Variants in CNTN4 observed in about 807,000 individuals in gnomAD.
The protein encoded by CNTN4 is contactin-4.
CNTN4 carries 77 observed loss-of-function variants against 122.5 expected under a neutral mutation model. The ratio of observed to expected loss-of-function variants is 0.63; its 90% confidence interval spans 0.52 to 0.76. CNTN4 has a LOEUF of 0.76. Ranked by LOEUF, CNTN4 falls within the 30% of genes least tolerant of loss-of-function variation. CNTN4 has a pLI of 0.00. For synonymous variants in CNTN4, 512 were observed against 447.0 expected, an observed-to-expected ratio of 1.15 and a Z score of -1.83; for missense variants, 1,256 against 1,259.1, an observed-to-expected ratio of 1.00 and a Z score of 0.04.
intron 2 of CNTN4, among the ~76,000 whole-genome samples, chr3:2,104,192 C>A (rs1297109187): frequency 6.6e-6 from 1 of 151,524 alleles, no homozygotes; most frequent in Non-Finnish European, 1.5e-5. Context: ...ACTCCTCTTT[C>A]TTCCAATTTT....
chr3:2,755,585 T>G (rs1378067325), intron 6 of CNTN4, among the ~76,000 whole-genome samples: 1 of 152,170 alleles, frequency 6.6e-6, no homozygotes, highest in Non-Finnish European at 1.5e-5. Flanking sequence ...TTTCACAAGG[T>G]AAATCTTAGG....
At chr3:2,987,797 A>T (rs539865703) in intron 13 of CNTN4, among the ~76,000 whole-genome samples, 1 of 152,134 alleles carries the variant, frequency 6.6e-6, no homozygotes, top group Non-Finnish European at 1.5e-5. Flanking sequence ...TGCCAAAGTC[A>T]CGCTGAGTCG....
At chr3:2,282,993 A>G (rs1559410752) in intron 2 of CNTN4, among the ~76,000 whole-genome samples, 1 of 152,150 alleles carries the variant, frequency 6.6e-6, no homozygotes, top group Non-Finnish European at 1.5e-5. Context: ...GGAGCCAGGT[A>G]CAGAGGGGAA....
In CNTN4 at chr3:2,348,473, C is replaced by T. The variant is rs538026193; in HGVS notation, c.-89+9240C>T. On this transcript the variant is annotated intron_variant, in intron 3 of 24. Coordinates refer to ENST00000418658, the MANE Select transcript of CNTN4 (RefSeq NM_175607.3). ...AACCCTGGCTCACCAGCCCTCAGGC[C>T]TATAGCGAGAACCACCCTGTCCCTG... is the stretch of plus-strand genomic sequence containing the variant. Among the ~76,000 whole-genome samples the T allele has an allele frequency of 3.3e-5, 5 of 152,310 alleles. No homozygotes were observed. The East Asian group carries it at 7.7e-4, about 23-fold the overall frequency.
intron 2 of CNTN4, among the ~76,000 whole-genome samples, chr3:2,127,831 A>C (rs144383470): frequency 4.7e-4 from 72 of 152,314 alleles, no homozygotes; most frequent in African/African-American, 1.7e-3. Context: ...TCATGCACCA[A>C]ATTAAAAGAT....
intron 2 of CNTN4, among the ~76,000 whole-genome samples, chr3:2,271,443 T>C (rs1387892279): frequency 6.6e-6 from 1 of 152,202 alleles, no homozygotes; most frequent in Non-Finnish European, 1.5e-5. Flanking sequence ...CTGTATTATC[T>C]TTCTCTAGCT....
At chr3:2,843,604 A>G (rs538156092) in intron 7 of CNTN4, among the ~76,000 whole-genome samples, 1 of 152,260 alleles carries the variant, frequency 6.6e-6, no homozygotes, top group African/African-American at 2.4e-5. Context: ...CCGTCCTCAC[A>G]ACAGTGAGTT....
chr3:2,178,920 A>C (rs993313969), intron 2 of CNTN4, among the ~76,000 whole-genome samples: 1 of 152,078 alleles, frequency 6.6e-6, no homozygotes, highest in African/African-American at 2.4e-5. Context: ...AAAATCTGCA[A>C]ATAGCAGACA....
intron 2 of CNTN4, among the ~76,000 whole-genome samples, chr3:2,278,013 C>G (rs1293046259): frequency 6.6e-6 from 1 of 151,966 alleles, no homozygotes; most frequent in Non-Finnish European, 1.5e-5. Flanking sequence ...AAGGTTGCAA[C>G]TTGTAAAGTG....
chr3:2,477,558 G>A (rs2075867898), intron 3 of CNTN4, among the ~76,000 whole-genome samples: 1 of 152,100 alleles, frequency 6.6e-6, no homozygotes, highest in Admixed American at 6.6e-5. Flanking sequence ...CAGTTAGAAA[G>A]CACCTAGTCA....
intron 12 of CNTN4, among the ~76,000 whole-genome samples, chr3:2,910,768 C>A (rs1364713896): frequency 6.6e-6 from 1 of 152,172 alleles, no homozygotes. Flanking sequence ...ATTTGGGGAG[C>A]CTAATCTAAG....
At chr3:3,031,169 T>C (rs1041806223) in intron 16 of CNTN4, among the ~76,000 whole-genome samples, 194 bp downstream of exon 16, 1 of 152,132 alleles carries the variant, frequency 6.6e-6, no homozygotes, top group Admixed American at 6.6e-5. Context: ...TGTCAGAAAA[T>C]GCACCGAACA....
At position 2,277,372 on chromosome 3, in the gene CNTN4, GCTAA is replaced by G. The variant is rs200671671; in HGVS notation, c.-144-61803_-144-61800del. 8.0e-3 allele frequency among the ~76,000 whole-genome samples: 1,220 copies of G among 152,226 alleles called. 18 individuals are homozygous for G. The highest frequency in any genetic ancestry group is 0.028 in the African/African-American group (1,156 of 41,518). ...AATGACTTTTGAAGTTAAAACACAT[GCTAA>G]CTGTTGCTTAGTTTTAAATATATAT... On this transcript the variant is annotated intron_variant, in intron 2 of 24. Transcript: ENST00000418658.
intron 2 of CNTN4, among the ~76,000 whole-genome samples, chr3:2,205,263 T>C (rs2038286275): frequency 6.7e-6 from 1 of 150,250 alleles, no homozygotes; most frequent in Admixed American, 6.6e-5. Flanking sequence ...ATCAATATTA[T>C]TATGATTTTT....
At chr3:2,816,124 G>A (rs2092721693) in intron 6 of CNTN4, among the ~76,000 whole-genome samples, 1 of 152,030 alleles carries the variant, frequency 6.6e-6, no homozygotes, top group Non-Finnish European at 1.5e-5. Context: ...GGAGGCCAAG[G>A]CAGGCAGATC....
At chr3:2,513,721 G>A (rs181092908) in intron 3 of CNTN4, among the ~76,000 whole-genome samples, 2 of 152,148 alleles carry the variant, frequency 1.3e-5, no homozygotes, top group Admixed American at 1.3e-4. Context: ...ATTACTTTCG[G>A]AATGTTTAGA....
intron 2 of CNTN4, among the ~76,000 whole-genome samples, chr3:2,277,937 AT>A (rs141651791): frequency 0.1 from 15,398 of 150,948 alleles, 943 homozygotes; most frequent in Middle Eastern, 0.14. Context: ...AATGGCTTAA[AT>A]TTTTTTTTTC....
intron 7 of CNTN4, among the ~76,000 whole-genome samples, chr3:2,821,064 C>A (rs550322769): frequency 1.4e-5 from 2 of 146,832 alleles, no homozygotes; most frequent in Non-Finnish European, 3.0e-5. Context: ...CAGGTTCAAT[C>A]GATTCTCATG....
chr3:3,034,502 G>C, intron 16 of CNTN4, 130 bp from the exon 17 acceptor site: 1 of 1,012,418 alleles, frequency 9.9e-7, no homozygotes, highest in Non-Finnish European at 1.5e-6. Flanking sequence ...GTTCAAAAAG[G>C]ATTTGACAAG....
Sources: gnomAD v4.1 joint callset for allele counts (sites outside exome capture counted in the v4.1 genomes callset) on GRCh38, gnomAD v4.1.1 for gene constraint, MANE v1.5 for transcripts, NCBI Gene and HGNC (gene_info 2026-07-23, HGNC 2026-07-21) for gene names.